CFAP119: variants seen among roughly 807,000 people sequenced by gnomAD.
CFAP119 encodes the protein cilia and flagella associated protein 119.
At chr16:30,760,374 C>T in the CFAP119 span, 85 of 1,614,066 alleles carry the variant, frequency 5.3e-5, no homozygotes, top group Non-Finnish European at 6.4e-5. Context: ...AAAATGAGCG[C>T]GTGGCAGAAG....
At chr16:30,761,787 C>T in the CFAP119 span, 4 of 1,488,794 alleles carry the variant, frequency 2.7e-6, no homozygotes, top group South Asian at 1.3e-5. Context: ...CCCGGGCTCC[C>T]GCCGCCTAGG....
At chr16:30,761,880 C>T in the CFAP119 span, 1 of 897,162 alleles carries the variant, frequency 1.1e-6, no homozygotes, top group Non-Finnish European at 1.6e-6. Context: ...CGCGGAGAGG[C>T]GCGGCGGGGC....
chr16:30,759,860 C>T, the CFAP119 span: 2 of 1,460,444 alleles, frequency 1.4e-6, no homozygotes, highest in South Asian at 2.9e-5. Flanking sequence ...TTCCTTAACT[C>T]ATGTAACAAA....
At chr16:30,757,533 A>G in the CFAP119 span, 1 of 1,614,246 alleles carries the variant, frequency 6.2e-7, no homozygotes, top group South Asian at 1.1e-5. Context: ...GCTCTAGTGC[A>G]GTCAACTTGC....
At chr16:30,759,220 T>C in the CFAP119 span, 724 of 1,613,968 alleles carry the variant, frequency 4.5e-4, no homozygotes, top group Non-Finnish European at 5.6e-4. Flanking sequence ...TGTAGCCCCA[T>C]GTAAGTCAAA....
the CFAP119 span, chr16:30,759,247 C>A: frequency 6.2e-7 from 1 of 1,614,122 alleles, no homozygotes; most frequent in Non-Finnish European, 8.5e-7. Flanking sequence ...TCCAGCCGCA[C>A]CTGGGAAGCA....
At chr16:30,761,025 C>T in the CFAP119 span, 31 of 683,114 alleles carry the variant, frequency 4.5e-5, no homozygotes, top group Non-Finnish European at 6.1e-5. Flanking sequence ...CTCACACTGC[C>T]TCCTCTTTGG....
the CFAP119 span, chr16:30,759,398 C>T: frequency 2.5e-4 from 408 of 1,614,110 alleles, no homozygotes; most frequent in Non-Finnish European, 3.3e-4. Context: ...GTGTTGACCA[C>T]GTAGTCTTCC....
the CFAP119 span, chr16:30,761,669 T>C: frequency 6.5e-7 from 1 of 1,535,818 alleles, no homozygotes; most frequent in African/African-American, 1.4e-5. Flanking sequence ...CTTCCCCGCT[T>C]CCCGCCGCAG....
chr16:30,759,091 T>G, the CFAP119 span: 3 of 1,614,198 alleles, frequency 1.9e-6, no homozygotes, highest in Non-Finnish European at 2.5e-6. Flanking sequence ...TCTCCTTGCT[T>G]TCTTCTTTCT....
the CFAP119 span, chr16:30,759,672 AAG>A: frequency 1.2e-6 from 2 of 1,613,974 alleles, no homozygotes; most frequent in Non-Finnish European, 1.7e-6. Flanking sequence ...CATGGCAAAA[AAG>A]GACACTGGTG....
the CFAP119 span, chr16:30,759,161 C>A: frequency 6.8e-6 from 11 of 1,614,212 alleles, no homozygotes; most frequent in East Asian, 2.5e-4. Context: ...CAGCCCTGCC[C>A]TGGCACTCTC....
chr16:30,757,586 G>C, the CFAP119 span: 23 of 1,614,070 alleles, frequency 1.4e-5, no homozygotes, highest in Non-Finnish European at 1.9e-5. Context: ...TCCTCCACCA[G>C]CCCCTGGAGC....
At chr16:30,761,770 G>A in the CFAP119 span, 1 of 1,506,034 alleles carries the variant, frequency 6.6e-7, no homozygotes, top group African/African-American at 1.4e-5. Flanking sequence ...TCCGTGCCGC[G>A]AGGCGCCCCG....
chr16:30,758,843 C>T, the CFAP119 span: 2 of 1,207,500 alleles, frequency 1.7e-6, no homozygotes, highest in Non-Finnish European at 1.1e-6. Flanking sequence ...GCCACCACGC[C>T]TGGCCTGCAG....
chr16:30,759,328 C>A, the CFAP119 span: 1 of 1,612,824 alleles, frequency 6.2e-7, no homozygotes, highest in South Asian at 1.1e-5. Flanking sequence ...TCCTCATGGT[C>A]CACCACCCCC....
the CFAP119 span, chr16:30,761,078 T>C: frequency 8.4e-5 from 96 of 1,141,512 alleles, no homozygotes; most frequent in Non-Finnish European, 1.1e-4. Context: ...CCTGGAGTAA[T>C]TGCATCTCCA....
At chr16:30,757,709 G>A in the CFAP119 span, 2 of 1,551,870 alleles carry the variant, frequency 1.3e-6, no homozygotes, top group Non-Finnish European at 8.7e-7. Flanking sequence ...CTGGCAATGG[G>A]GGGATGGTCC....
chr16:30,762,001 C>T, the CFAP119 span: 2 of 537,054 alleles, frequency 3.7e-6, no homozygotes, highest in African/African-American at 4.0e-5. Context: ...GAAGAGAACG[C>T]GCAGATACGT....
Sources: allele counts gnomAD v4.1 joint callset, GRCh38; gene constraint gnomAD v4.1.1; transcripts MANE v1.5; gene names NCBI Gene and HGNC (gene_info 2026-07-23, HGNC 2026-07-21).